The following SERPINC1 variants were observed in gnomAD, a reference collection of about 807,000 sequenced individuals.
The protein encoded by SERPINC1 is serpin family C member 1.
In SERPINC1, 12 loss-of-function variants were observed where a neutral mutation model predicts 43.4. The observed-to-expected ratio is 0.28, with a 90% CI of 0.18 to 0.45. The LOEUF (loss-of-function observed/expected upper bound fraction) is 0.45. SERPINC1 is among the 20% of genes least tolerant of loss of function. The probability of loss-of-function intolerance (pLI) is 1.00; values close to 1 mark genes in which losing one functional copy is unlikely to be tolerated. For synonymous variants in SERPINC1, 210 were observed against 218.9 expected, an observed-to-expected ratio of 0.96 and a Z score of 0.36; for missense variants, 423 against 578.8, an observed-to-expected ratio of 0.73 and a Z score of 2.76.
intron 1 of SERPINC1, among the ~76,000 whole-genome samples, chr1:173,915,461 AG>A (rs1167457715): frequency 5.3e-5 from 8 of 152,162 alleles, no homozygotes; most frequent in Non-Finnish European, 1.2e-4. Context: ...AGATCACTTG[AG>A]GTTGGGTGTT....
intron 5 of SERPINC1, among the ~76,000 whole-genome samples, chr1:173,907,984 A>AATAAT (rs1657593798): frequency 7.2e-6 from 1 of 139,426 alleles, no homozygotes; most frequent in African/African-American, 2.6e-5. Flanking sequence ...TGCATCTCAA[A>AATAAT]AATAATAATA....
At chr1:173,917,183 G>C in intron 1 of SERPINC1, 36 bp downstream of exon 1, 1 of 1,602,326 alleles carries the variant, frequency 6.2e-7, no homozygotes, top group Non-Finnish European at 8.6e-7. Flanking sequence ...ACAAAACCCA[G>C]TAGGGGCAGG....
intron 2 of SERPINC1, among the ~76,000 whole-genome samples, 159 bp downstream of exon 2, chr1:173,914,394 A>G (rs887038515): frequency 2.0e-5 from 3 of 152,206 alleles, no homozygotes; most frequent in Non-Finnish European, 2.9e-5. Context: ...ATGATTTTCA[A>G]AGGGAATTAT....
chr1:173,914,743 G>C lies in SERPINC1; in HGVS notation c.218C>G (p.Pro73Arg). 1 of 1,614,192 alleles carries C rather than the reference G, an allele frequency of 6.2e-7. No individual in the cohort carries two copies. Among genetic ancestry groups the C allele is most frequent in the African/African-American group, 1.3e-5 (1 of 75,040 alleles). Reference protein sequence around the residue: ...TEDEGSEQKIPEATNRRVWEL... With the variant: ...TEDEGSEQKIREATNRRVWEL... ...CCAGACACGCCGGTTGGTGGCCTCCGGGATCTTCTGTTCTGAGCCCTCATC... is the reference window on the plus strand; with the variant it reads ...CCAGACACGCCGGTTGGTGGCCTCCCGGATCTTCTGTTCTGAGCCCTCATC... Residue 73 changes from proline (P) to arginine (R), a missense_variant, in exon 2 of 7, where the codon CCG (proline) becomes CGG (arginine). Physicochemically the swap from Pro to Arg is moderately radical, Grantham distance 103. Transcript: ENST00000367698.
At position 173,910,357 on chromosome 1, in the gene SERPINC1, T is replaced by A. The variant is rs369059020; in HGVS notation, c.762+397A>T. On this transcript the variant is annotated intron_variant, in intron 4 of 6. Transcript: ENST00000367698. ...ACTTTGGGAGGCCGAGGTGGGCAGA[T>A]CACGAGGTCAGGAGATCAAGACTAT... 1.3e-4 allele frequency among the ~76,000 whole-genome samples: 20 copies of A among 152,098 alleles called. 2 individuals are homozygous for A. Among genetic ancestry groups the A allele is most frequent in the Admixed American group, 1.0e-3 (16 of 15,274 alleles).
intron 6 of SERPINC1, among the ~76,000 whole-genome samples, chr1:173,905,597 T>TAC (rs1657464244): frequency 6.6e-6 from 1 of 152,048 alleles, no homozygotes; most frequent in Admixed American, 6.6e-5. Context: ...GGCGGGCACC[T>TAC]GTAGTCCCAG....
intron 2 of SERPINC1, among the ~76,000 whole-genome samples, chr1:173,913,765 G>T (rs1162008251): frequency 6.6e-6 from 1 of 151,332 alleles, no homozygotes; most frequent in Middle Eastern, 3.2e-3. Flanking sequence ...CTGAGGCTGA[G>T]AATTGCTTGA....
chr1:173,912,059 T>C (rs1449231044), intron 2 of SERPINC1, 45 bp from the exon 3 acceptor site: 5 of 1,390,834 alleles, frequency 3.6e-6, no homozygotes, highest in South Asian at 1.2e-5. Context: ...GTGGGCTGCC[T>C]AGTTAACATG....
intron 5 of SERPINC1, among the ~76,000 whole-genome samples, chr1:173,907,987 T>A (rs1247101637): frequency 1.6e-5 from 1 of 62,634 alleles, no homozygotes; most frequent in Admixed American, 1.4e-4. Context: ...ATCTCAAAAA[T>A]AATAATAATA....
chr1:173,908,169 G>A (rs1197168032), intron 5 of SERPINC1, among the ~76,000 whole-genome samples: 6 of 151,652 alleles, frequency 4.0e-5, no homozygotes, highest in African/African-American at 1.5e-4. Flanking sequence ...TTTCCAGTCT[G>A]GCAACATTTT....
intron 5 of SERPINC1, among the ~76,000 whole-genome samples, chr1:173,908,942 G>A (rs763490170): frequency 6.2e-4 from 94 of 152,220 alleles, no homozygotes; most frequent in African/African-American, 2.0e-3. Context: ...CAAGGCAGGC[G>A]GATCACAAGG....
At chr1:173,906,858 C>T (rs898539089) in intron 6 of SERPINC1, among the ~76,000 whole-genome samples, 3 of 152,138 alleles carry the variant, frequency 2.0e-5, no homozygotes, top group Non-Finnish European at 4.4e-5. Flanking sequence ...TGGCTCATGC[C>T]TGTAATCCCA....
At position 173,903,988 on chromosome 1, in the gene SERPINC1, C is replaced by T. The variant is rs1345506740; in HGVS notation, c.1296G>A (p.Val432=). The T allele has an allele frequency of 6.2e-7, 1 of 1,614,196 alleles. No homozygotes were observed. Among genetic ancestry groups the T allele is most frequent in the African/African-American group, 1.3e-5 (1 of 75,060 alleles). The part of the protein sequence containing the change: ...IAGRSLNPNR[V]TFKANRPFLV... ...GGAAAGGCCTGTTGGCCTTGAAAGTCACCCTGTTGGGGTTTAGCGAACGGC... is the reference window on the plus strand; with the variant it reads ...GGAAAGGCCTGTTGGCCTTGAAAGTTACCCTGTTGGGGTTTAGCGAACGGC... The change falls in exon 7 of 7, where the codon GTG becomes GTA. Residue 432 remains valine (V), a synonymous_variant. Coordinates refer to ENST00000367698, the MANE Select transcript of SERPINC1 (RefSeq NM_000488.4).
Position 173,910,778 on chromosome 1 carries a change from C to A in SERPINC1, c.738G>T (p.Val246=), listed in dbSNP as rs558726250. The part of the protein sequence containing the change: ...SEAINELTVL[V]LVNTIYFKGL... ...CCTTGAAGTAAATGGTGTTAACCAGCACCAGAACAGTGAGCTCATTGATGG... is the reference window on the plus strand; with the variant it reads ...CCTTGAAGTAAATGGTGTTAACCAGAACCAGAACAGTGAGCTCATTGATGG... Residue 246 remains valine (V), a synonymous_variant, in exon 4 of 7, where the codon GTG becomes GTT. Coordinates refer to ENST00000367698, the MANE Select transcript of SERPINC1 (RefSeq NM_000488.4). The A allele has an allele frequency of 6.2e-7, 1 of 1,613,962 alleles. No individual in the cohort carries two copies. Among genetic ancestry groups the A allele is most frequent in the African/African-American group, 1.3e-5 (1 of 74,900 alleles).
intron 3 of SERPINC1, 87 bp downstream of exon 3, chr1:173,911,712 T>C: frequency 1.9e-6 from 2 of 1,058,224 alleles, no homozygotes; most frequent in East Asian, 4.7e-5. Context: ...AGCAAAGCAG[T>C]GTGAATTTGG....
intron 4 of SERPINC1, among the ~76,000 whole-genome samples, chr1:173,910,456 C>T (rs1420119517): frequency 1.3e-5 from 2 of 152,024 alleles, no homozygotes; most frequent in Non-Finnish European, 2.9e-5. Flanking sequence ...TGGTGGGTGC[C>T]TGTATTCCCA....
intron 1 of SERPINC1, 98 bp from the exon 2 acceptor site, chr1:173,915,017 C>G (rs1657931663): frequency 6.5e-7 from 1 of 1,544,264 alleles, no homozygotes; most frequent in Non-Finnish European, 8.7e-7. Flanking sequence ...TTCCAGCCCA[C>G]CTGGTGTGGC....
chr1:173,914,625 G>T lies in SERPINC1; in HGVS notation c.336C>A (p.Pro112=). The change falls in exon 2 of 7, where the codon CCC becomes CCA. Residue 112 remains proline (P), a synonymous_variant. Coordinates refer to ENST00000367698, the MANE Select transcript of SERPINC1 (RefSeq NM_000488.4). ...KNDNDNIFLS[P]LSISTAFAMT... ...TAGCAAAAGCCGTGGAGATACTCAG[G>T]GGTGACAGGAAAATGTTATCATTGT... 1.2e-6 allele frequency: 2 copies of T among 1,614,184 alleles called. No homozygotes were observed. Among genetic ancestry groups the T allele is most frequent in the Non-Finnish European group, 8.5e-7 (1 of 1,180,016 alleles).
chr1:173,914,077 C>CA (rs59197371), intron 2 of SERPINC1, among the ~76,000 whole-genome samples: 50,945 of 138,198 alleles, frequency 0.37, 11,041 homozygotes, highest in African/African-American at 0.63. Context: ...GATTCCATCT[C>CA]AAAAAAAAAA....
Sources: gnomAD v4.1 joint callset for allele counts (sites outside exome capture counted in the v4.1 genomes callset) on GRCh38, gnomAD v4.1.1 for gene constraint, MANE v1.5 for transcripts, NCBI Gene and HGNC (gene_info 2026-07-23, HGNC 2026-07-21) for gene names.